Variants in CDH13 observed in about 807,000 individuals in gnomAD.
CDH13 encodes the protein cadherin 13.
In CDH13, 24 loss-of-function variants were observed where a neutral mutation model predicts 63.8. The ratio of observed to expected loss-of-function variants is 0.38; its 90% CI spans 0.27 to 0.53. CDH13 has a LOEUF of 0.53. CDH13 is among the 20% of genes least tolerant of loss of function. The pLI, the probability that CDH13 is intolerant of heterozygous loss-of-function variation, is 0.85. For synonymous variants in CDH13, 503 were observed against 355.3 expected (o/e 1.42, Z -4.67); for missense variants, 1,049 against 903.1 (o/e 1.16, Z -2.07).
rs537089942 is a variant in CDH13 at position 83,221,446 on chromosome 16, G to C, written c.636+3949G>C. 2.0e-4 allele frequency among the ~76,000 whole-genome samples: 31 copies of C among 152,244 alleles called. No individual in the cohort carries two copies. The East Asian group carries it at 4.3e-3, about 21-fold the overall frequency. On this transcript the variant is annotated intron_variant, in intron 5 of 13. Coordinates refer to ENST00000567109, the MANE Select transcript of CDH13 (RefSeq NM_001257.5). ...AATATTACTCATTATTATGCATTTTGCCAGCATTTGAGTGATATGTGAACT... is the reference window on the plus strand; with the variant it reads ...AATATTACTCATTATTATGCATTTTCCCAGCATTTGAGTGATATGTGAACT...
chr16:83,495,183 G>T (rs1598151967), intron 7 of CDH13, among the ~76,000 whole-genome samples: 1 of 152,116 alleles, frequency 6.6e-6, no homozygotes, highest in South Asian at 2.1e-4. Flanking sequence ...TGCCCAAGGT[G>T]GTCGGGCCAC....
chr16:82,970,583 T>G, intron 2 of CDH13, among the ~76,000 whole-genome samples: 1 of 118,632 alleles, frequency 8.4e-6, no homozygotes, highest in South Asian at 2.4e-4. Flanking sequence ...GTATTTTTAG[T>G]AGAGACGGGG....
chr16:83,127,173 A>G (rs2035848279), intron 4 of CDH13, among the ~76,000 whole-genome samples: 1 of 152,204 alleles, frequency 6.6e-6, no homozygotes. Flanking sequence ...CCTGGGTTGC[A>G]TGAGAGTAAG....
chr16:83,144,079 G>C (rs977918792), intron 4 of CDH13, among the ~76,000 whole-genome samples: 5 of 152,094 alleles, frequency 3.3e-5, no homozygotes, highest in Non-Finnish European at 5.9e-5. Flanking sequence ...TCCACGTTTG[G>C]GGAAGGATAA....
intron 13 of CDH13, among the ~76,000 whole-genome samples, chr16:83,787,937 A>G (rs921958806): frequency 2.0e-5 from 3 of 152,202 alleles, no homozygotes; most frequent in African/African-American, 7.2e-5. Flanking sequence ...AGCAAAAAAC[A>G]ACACCTGCAG....
intron 1 of CDH13, among the ~76,000 whole-genome samples, chr16:82,769,751 T>C (rs2035191462): frequency 6.6e-6 from 1 of 152,234 alleles, no homozygotes; most frequent in East Asian, 1.9e-4. Flanking sequence ...GGTGAATCAA[T>C]GTGTTTCCAT....
intron 12 of CDH13, 124 bp downstream of exon 12, chr16:83,780,325 A>T: frequency 1.6e-6 from 1 of 640,076 alleles, no homozygotes; most frequent in East Asian, 2.8e-5. Context: ...AGTTATTGGC[A>T]TATTATAAAT....
At chr16:82,642,731 G>T (rs1909569330) in intron 1 of CDH13, among the ~76,000 whole-genome samples, 2 of 152,230 alleles carry the variant, frequency 1.3e-5, no homozygotes, top group African/African-American at 4.8e-5. Flanking sequence ...AGTAATAGTA[G>T]CTGATATCAG....
intron 3 of CDH13, among the ~76,000 whole-genome samples, chr16:83,093,259 A>G (rs951291401): frequency 4.4e-5 from 6 of 136,046 alleles, no homozygotes; most frequent in Non-Finnish European, 7.7e-5. Context: ...CCAGTTGAAC[A>G]CATTTGGATT....
chr16:82,981,290 G>C (rs1044685787), intron 2 of CDH13, among the ~76,000 whole-genome samples: 1 of 152,048 alleles, frequency 6.6e-6, no homozygotes, highest in Non-Finnish European at 1.5e-5. Context: ...ATTCCCTCAA[G>C]AATGCTCAAT....
At chr16:83,386,946 C>A (rs1386536487) in intron 6 of CDH13, among the ~76,000 whole-genome samples, 2 of 152,160 alleles carry the variant, frequency 1.3e-5, no homozygotes, top group Non-Finnish European at 2.9e-5. Context: ...CCAAAGTTTC[C>A]CTGAAACATC....
chr16:83,444,663 A>G (rs182757825), intron 6 of CDH13, among the ~76,000 whole-genome samples: 1 of 152,300 alleles, frequency 6.6e-6, no homozygotes, highest in South Asian at 2.1e-4. Flanking sequence ...TGCTGTTTTT[A>G]ATAATAGTAA....
chr16:83,298,284 A>G (rs766373449), intron 5 of CDH13, among the ~76,000 whole-genome samples: 19 of 152,100 alleles, frequency 1.2e-4, no homozygotes, highest in East Asian at 1.9e-4. Context: ...ATGAGAAAAG[A>G]AAAAGAAAAG....
At chr16:83,730,924 C>A (rs1598606794) in intron 10 of CDH13, among the ~76,000 whole-genome samples, 1 of 149,090 alleles carries the variant, frequency 6.7e-6, no homozygotes. Flanking sequence ...ATTTGGTTTT[C>A]TGTCCCTGTG....
intron 5 of CDH13, among the ~76,000 whole-genome samples, chr16:83,272,039 T>C (rs998337649): frequency 2.0e-5 from 3 of 152,238 alleles, no homozygotes; most frequent in Admixed American, 6.5e-5. Flanking sequence ...TCTCTCTTAA[T>C]TTTCATATTG....
intron 13 of CDH13, among the ~76,000 whole-genome samples, chr16:83,791,885 C>T (rs1052299325): frequency 3.3e-5 from 5 of 150,104 alleles, no homozygotes; most frequent in African/African-American, 4.9e-5. Context: ...TATTTTTCAA[C>T]GTATTGTTTG....
At chr16:82,915,869 C>G (rs1258583819) in intron 2 of CDH13, among the ~76,000 whole-genome samples, 1 of 150,084 alleles carries the variant, frequency 6.7e-6, no homozygotes, top group African/African-American at 2.5e-5. Flanking sequence ...AGAAGGGGAA[C>G]TGCTATATCA....
intron 4 of CDH13, among the ~76,000 whole-genome samples, chr16:83,163,630 C>T (rs923376198): frequency 1.5e-4 from 23 of 152,034 alleles, no homozygotes; most frequent in Admixed American, 1.5e-3. Context: ...CTAGTGCTAG[C>T]CAAAGTGTGT....
At chr16:83,567,143 C>A (rs1214004167) in intron 7 of CDH13, among the ~76,000 whole-genome samples, 1 of 152,202 alleles carries the variant, frequency 6.6e-6, no homozygotes, top group Non-Finnish European at 1.5e-5. Context: ...CCAGGAGATC[C>A]TTGACTCCCC....
Sources: gnomAD v4.1 joint callset for allele counts (sites outside exome capture counted in the v4.1 genomes callset) on GRCh38, gnomAD v4.1.1 for gene constraint, MANE v1.5 for transcripts, NCBI Gene and HGNC (gene_info 2026-07-23, HGNC 2026-07-21) for gene names.